PEX14: variants seen among roughly 807,000 people sequenced by gnomAD.
PEX14 encodes the protein peroxisomal biogenesis factor 14.
PEX14 carries 15 observed loss-of-function variants against 49.5 expected under a neutral mutation model. The observed-to-expected ratio is 0.30, with a 90% CI of 0.20 to 0.47. PEX14 has a LOEUF of 0.47. Ranked by LOEUF, PEX14 falls within the 20% of genes least tolerant of loss-of-function variation. The probability of loss-of-function intolerance (pLI) is 1.00; values close to 1 mark genes in which losing one functional copy is unlikely to be tolerated. For missense variants in PEX14, 398 were observed against 494.8 expected (o/e 0.80, Z 1.86); for synonymous variants, 210 against 212.7 (o/e 0.99, Z 0.11).
At chr1:10,626,829 T>A (rs906640149) in intron 7 of PEX14, among the ~76,000 whole-genome samples, 1 of 152,180 alleles carries the variant, frequency 6.6e-6, no homozygotes, top group African/African-American at 2.4e-5. Flanking sequence ...AGAAGTAAGA[T>A]GTAGTTCTGT....
At chr1:10,581,404 T>A (rs1212487149) in intron 3 of PEX14, among the ~76,000 whole-genome samples, 2 of 151,100 alleles carry the variant, frequency 1.3e-5, no homozygotes, top group East Asian at 3.9e-4. Context: ...TCTCCTGGTT[T>A]CAAGCAATTC....
intron 3 of PEX14, among the ~76,000 whole-genome samples, chr1:10,556,265 C>G (rs1475933233): frequency 6.6e-6 from 1 of 152,130 alleles, no homozygotes; most frequent in Non-Finnish European, 1.5e-5. Context: ...TGCTGCCTCT[C>G]TGGAAGCTGC....
intron 4 of PEX14, among the ~76,000 whole-genome samples, chr1:10,609,065 T>A (rs1465976208): frequency 6.6e-6 from 1 of 152,256 alleles, no homozygotes; most frequent in African/African-American, 2.4e-5. Context: ...TTTTTGAGGT[T>A]CATCCATATT....
chr1:10,577,563 T>TATGTATATATATATATA (rs1557854885), intron 3 of PEX14, among the ~76,000 whole-genome samples: 1 of 2,462 alleles, frequency 4.1e-4, no homozygotes, highest in African/African-American at 1.5e-3. Context: ...TATATATATA[T>TATGTATATATATATATA]TTTTTTTTTT....
At chr1:10,527,996 G>C (rs1301084049) in intron 2 of PEX14, among the ~76,000 whole-genome samples, 3 of 152,186 alleles carry the variant, frequency 2.0e-5, no homozygotes, top group African/African-American at 7.2e-5. Flanking sequence ...AAGACTCCTT[G>C]AAGGTTTTAG....
At chr1:10,599,652 T>C (rs1640928165) in intron 4 of PEX14, among the ~76,000 whole-genome samples, 1 of 152,280 alleles carries the variant, frequency 6.6e-6, no homozygotes, top group South Asian at 2.1e-4. Context: ...ATTTATTGAT[T>C]CTGTTCCCAT....
intron 1 of PEX14, among the ~76,000 whole-genome samples, chr1:10,489,614 A>G (rs776381254): frequency 3.9e-5 from 6 of 152,158 alleles, no homozygotes; most frequent in Non-Finnish European, 8.8e-5. Flanking sequence ...TGCATGCACA[A>G]ATTTTAGTAT....
At chr1:10,581,593 C>T (rs752159926) in intron 3 of PEX14, among the ~76,000 whole-genome samples, 10 of 151,812 alleles carry the variant, frequency 6.6e-5, no homozygotes, top group Non-Finnish European at 1.5e-4. Context: ...CGTGAGCCAC[C>T]GTGCCTGGCT....
chr1:10,523,728 C>T (rs1462795563), intron 2 of PEX14, among the ~76,000 whole-genome samples: 24 of 150,552 alleles, frequency 1.6e-4, no homozygotes, highest in Admixed American at 1.5e-3. Flanking sequence ...TTTGTGGCAG[C>T]GTTTGGCTGT....
intron 3 of PEX14, among the ~76,000 whole-genome samples, chr1:10,548,757 C>T (rs1297030756): frequency 1.3e-5 from 2 of 152,260 alleles, no homozygotes; most frequent in East Asian, 1.9e-4. Context: ...CACTAATGGT[C>T]CTCAGTAAAC....
intron 3 of PEX14, among the ~76,000 whole-genome samples, chr1:10,567,911 T>C (rs1465263845): frequency 6.6e-6 from 1 of 152,230 alleles, no homozygotes; most frequent in African/African-American, 2.4e-5. Context: ...ATTACAGGCA[T>C]GAGCCACTGC....
intron 4 of PEX14, among the ~76,000 whole-genome samples, chr1:10,609,817 G>A (rs962364046): frequency 2.0e-5 from 3 of 152,040 alleles, no homozygotes; most frequent in East Asian, 1.9e-4. Context: ...CCCGGGAGGC[G>A]GAGGTTGCAG....
In PEX14 at chr1:10,494,386, C is replaced by G. The variant is rs539841983; in HGVS notation, c.37-888C>G. 6.6e-6 allele frequency among the ~76,000 whole-genome samples: 1 copy of G among 152,320 alleles called. No homozygotes were observed. Among genetic ancestry groups the G allele is most frequent in the East Asian group, 1.9e-4 (1 of 5,194 alleles). On this transcript the variant is annotated intron_variant, in intron 1 of 8. Coordinates refer to ENST00000356607, the MANE Select transcript of PEX14 (RefSeq NM_004565.3). The surrounding 1 kb of genome is among the most constrained non-coding windows in gnomAD (Gnocchi z 4.3). ...CTGGATATTAACTGTAGATAGATGG[C>G]AATTGGCCTGACCATCAGTCACAGT...
chr1:10,497,201 C>T (rs1363938680), intron 2 of PEX14, among the ~76,000 whole-genome samples: 2 of 152,176 alleles, frequency 1.3e-5, no homozygotes, highest in South Asian at 2.1e-4. Context: ...AGCTGAGTCG[C>T]GTGGTCTTGT....
chr1:10,596,712 C>CT (rs1236991792), intron 3 of PEX14, among the ~76,000 whole-genome samples: 1 of 151,956 alleles, frequency 6.6e-6, no homozygotes, highest in Non-Finnish European at 1.5e-5. Context: ...AGGGCAGTGA[C>CT]TGGGATAATG....
intron 3 of PEX14, among the ~76,000 whole-genome samples, chr1:10,585,210 A>G (rs1640445186): frequency 6.6e-6 from 1 of 152,238 alleles, no homozygotes; most frequent in South Asian, 2.1e-4. Context: ...TTCAAGAGAA[A>G]GAGCAAAGTG....
At chr1:10,609,648 G>T (rs543952495) in intron 4 of PEX14, among the ~76,000 whole-genome samples, 1 of 152,254 alleles carries the variant, frequency 6.6e-6, no homozygotes, top group African/African-American at 2.4e-5. Context: ...ACTTTGGGAG[G>T]CTGAGGAGGG....
intron 3 of PEX14, among the ~76,000 whole-genome samples, chr1:10,588,197 G>A (rs1640558574): frequency 6.6e-6 from 1 of 151,474 alleles, no homozygotes; most frequent in Non-Finnish European, 1.5e-5. Context: ...TCCAGCCTGG[G>A]TGACAGAGCG....
At chr1:10,603,642 A>T (rs1159955479) in intron 4 of PEX14, among the ~76,000 whole-genome samples, 1 of 152,152 alleles carries the variant, frequency 6.6e-6, no homozygotes, top group Non-Finnish European at 1.5e-5. Context: ...GTGCATGTGT[A>T]TAGGTGCAGG....
Sources: allele counts gnomAD v4.1 joint callset (sites outside exome capture counted in the v4.1 genomes callset), GRCh38; gene constraint gnomAD v4.1.1; non-coding constraint Gnocchi (gnomAD v3.1); transcripts MANE v1.5; gene names NCBI Gene and HGNC (gene_info 2026-07-23, HGNC 2026-07-21).